GCNT2: variants seen among roughly 807,000 people sequenced by gnomAD.
The protein encoded by GCNT2 is N-acetyllactosaminide beta-1,6-N-acetylglucosaminyl-transferase.
Under a neutral mutation model 34.2 loss-of-function variants are expected in GCNT2, and 34 were observed. The observed-to-expected ratio is 1.00, with a 90% CI of 0.76 to 1.32. The LOEUF (loss-of-function observed/expected upper bound fraction) is 1.32. Among genes scored for constraint, GCNT2 ranks in the 40% most tolerant of loss-of-function variants. The pLI, the probability that GCNT2 is intolerant of heterozygous loss-of-function variation, is 0.00. For missense variants in GCNT2, 584 were observed against 489.4 expected, an observed-to-expected ratio of 1.19 and a Z score of -1.82; for synonymous variants, 212 against 188.0, an observed-to-expected ratio of 1.13 and a Z score of -1.04.
At chr6:10,621,851 G>A (rs1294650219) in intron 4 of GCNT2, among the ~76,000 whole-genome samples, 3 of 151,984 alleles carry the variant, frequency 2.0e-5, no homozygotes, top group Admixed American at 6.6e-5. Context: ...GACCACAGGC[G>A]TGCACCACCA....
intron 1 of GCNT2, among the ~76,000 whole-genome samples, chr6:10,526,520 T>C (rs1196777086): frequency 1.3e-5 from 2 of 152,100 alleles, no homozygotes; most frequent in East Asian, 1.9e-4. Context: ...GAAAATGTTA[T>C]TGTATAATAG....
chr6:10,555,724 CTT>C, intron 3 of GCNT2: 1 of 985,364 alleles, frequency 1.0e-6, no homozygotes, highest in South Asian at 4.7e-5. Flanking sequence ...CCAGTAAGCT[CTT>C]GTTTTGAAAA....
chr6:10,538,507 A>G (rs984352576), intron 3 of GCNT2, among the ~76,000 whole-genome samples: 1 of 147,290 alleles, frequency 6.8e-6, no homozygotes, highest in Admixed American at 6.8e-5. Flanking sequence ...CTGAATTTAT[A>G]CCCATGACAC....
At chr6:10,588,116 C>G (rs932623309) in intron 3 of GCNT2, among the ~76,000 whole-genome samples, 3 of 152,106 alleles carry the variant, frequency 2.0e-5, no homozygotes, top group African/African-American at 7.2e-5. Context: ...CAAAAATCTA[C>G]TTAGAGAGGG....
At chr6:10,588,812 G>A (rs1392476553) in intron 3 of GCNT2, among the ~76,000 whole-genome samples, 1 of 142,372 alleles carries the variant, frequency 7.0e-6, no homozygotes, top group African/African-American at 2.6e-5. Context: ...TGTGTGTGGT[G>A]TATGTGTGTT....
chr6:10,612,417 T>C (rs1326420918), intron 3 of GCNT2, among the ~76,000 whole-genome samples: 1 of 152,186 alleles, frequency 6.6e-6, no homozygotes, highest in African/African-American at 2.4e-5. Context: ...TACTGGCATC[T>C]AGTGGGAAGA....
chr6:10,525,726 T>C (rs1761151462), intron 1 of GCNT2, among the ~76,000 whole-genome samples: 1 of 152,236 alleles, frequency 6.6e-6, no homozygotes, highest in Non-Finnish European at 1.5e-5. Flanking sequence ...AGGGACCGTC[T>C]TAGCATTACA....
intron 3 of GCNT2, among the ~76,000 whole-genome samples, chr6:10,546,125 G>A (rs1762252618): frequency 6.6e-6 from 1 of 152,128 alleles, no homozygotes; most frequent in South Asian, 2.1e-4. Flanking sequence ...GACTTGCTGG[G>A]AATGGGTTAC....
Position 10,621,403 on chromosome 6 carries a change from A to G in GCNT2, c.978A>G (p.Ile326Met). Reference sequence around the variant, plus strand: ...CCTGGACTGGAAACCTCAGAGCTATAAAGTGGAGTGACATGGAAGACAGAC... The same window carrying G: ...CCTGGACTGGAAACCTCAGAGCTATGAAGTGGAGTGACATGGAAGACAGAC... ...NASWTGNLRA[I>M]KWSDMEDRHG... Residue 326 changes from isoleucine to methionine, a missense_variant, in exon 4 of 5, where the codon ATA (isoleucine) becomes ATG (methionine). Coordinates refer to ENST00000495262, the MANE Select transcript of GCNT2 (RefSeq NM_145649.5). The G allele has an allele frequency of 6.2e-7, 1 of 1,613,696 alleles. No homozygotes were observed. The highest frequency in any genetic ancestry group is 8.5e-7 in the Non-Finnish European group (1 of 1,179,652).
rs369564340 is a variant in GCNT2 at position 10,521,920 on chromosome 6, G to A, written c.-469+503G>A. Reference sequence around the variant, plus strand: ...ATTTAAATTTTTTTTTTTTTTTCCAGACATAGTCTCACTCTGTCACCCAGG... The same window carrying A: ...ATTTAAATTTTTTTTTTTTTTTCCAAACATAGTCTCACTCTGTCACCCAGG... On this transcript the variant is annotated intron_variant, in intron 1 of 4. Transcript: ENST00000495262. Among the ~76,000 whole-genome samples the A allele has an allele frequency of 1.1e-4, 16 of 148,190 alleles. 1 individual carries two copies. The East Asian group carries it at 2.9e-3, about 27-fold the overall frequency.
chr6:10,583,755 A>C (rs1172323515), intron 3 of GCNT2, among the ~76,000 whole-genome samples: 1 of 152,178 alleles, frequency 6.6e-6, no homozygotes, highest in Non-Finnish European at 1.5e-5. Flanking sequence ...AAATGACCTC[A>C]AATCTGAGGT....
intron 3 of GCNT2, among the ~76,000 whole-genome samples, chr6:10,587,774 C>G (rs1352407189): frequency 1.3e-5 from 2 of 152,140 alleles, no homozygotes; most frequent in Non-Finnish European, 2.9e-5. Flanking sequence ...TGGTCTGTGA[C>G]CTGCGTTACG....
In GCNT2 at chr6:10,562,242, C is replaced by T. The variant is rs115258792; in HGVS notation, c.925+32406C>T. ...ATGGGTACAACCAGGTCGAGATGGT[C>T]CCCCTATCTCTCTGCATCTCTGTGC... is the stretch of plus-strand genomic sequence containing the variant. On this transcript the variant is annotated intron_variant, in intron 3 of 4. Coordinates refer to ENST00000495262, the MANE Select transcript of GCNT2 (RefSeq NM_145649.5). Among the ~76,000 whole-genome samples the T allele has an allele frequency of 9.7e-3, 1,480 of 152,278 alleles. 12 individuals carry two copies. Among genetic ancestry groups the T allele is most frequent in the Non-Finnish European group, 0.014 (921 of 68,012 alleles).
Position 10,573,108 on chromosome 6 carries a change from T to C in GCNT2, c.925+43272T>C, listed in dbSNP as rs1180937726. The C allele has an allele frequency of 1.1e-5, 9 of 833,216 alleles. No individual in the cohort carries two copies. In the African/African-American group the frequency reaches 1.7e-4, roughly 15 times the overall value. The allele number at this position is 833,216 out of a possible 1,614,324, so 51.6% of individuals were successfully genotyped here. ...CACTGCCTATCTCTATTTTAAGACT[T>C]TTGTTTCCATTTATTTGAAAGTGTT... On this transcript the variant is annotated intron_variant, in intron 3 of 4. Transcript: ENST00000495262.
intron 3 of GCNT2, among the ~76,000 whole-genome samples, chr6:10,561,052 C>A (rs1004681520): frequency 1.3e-5 from 2 of 152,228 alleles, no homozygotes; most frequent in African/African-American, 2.4e-5. Context: ...TTCTGACTTC[C>A]GGTACACCCT....
At chr6:10,615,476 A>G (rs1421154565) in intron 3 of GCNT2, among the ~76,000 whole-genome samples, 1 of 151,956 alleles carries the variant, frequency 6.6e-6, no homozygotes, top group Non-Finnish European at 1.5e-5. Flanking sequence ...CACAACACCC[A>G]GCTAATTTTT....
chr6:10,621,333 T>G lies in GCNT2; in HGVS notation c.926-18T>G, dbSNP rs754441807. 6.5e-7 allele frequency: 1 copy of G among 1,538,262 alleles called. No individual in the cohort carries two copies. Among genetic ancestry groups the G allele is most frequent in the South Asian group, 1.1e-5 (1 of 88,894 alleles). Reference sequence around the variant, plus strand: ...TCATGACTCTCATCTCTACGCTTCTTCTTTATCAACATTGCAGGTGTTCCT... The same window carrying G: ...TCATGACTCTCATCTCTACGCTTCTGCTTTATCAACATTGCAGGTGTTCCT... On this transcript the variant is annotated intron_variant, in intron 3 of 4. Coordinates refer to ENST00000495262, the MANE Select transcript of GCNT2 (RefSeq NM_145649.5).
intron 3 of GCNT2, among the ~76,000 whole-genome samples, chr6:10,544,628 A>ATT (rs1447847245): frequency 1.7e-4 from 26 of 150,646 alleles, no homozygotes; most frequent in African/African-American, 6.4e-4. Flanking sequence ...AAAATAAAAT[A>ATT]AAATATTAAA....
intron 3 of GCNT2, among the ~76,000 whole-genome samples, chr6:10,604,578 G>A (rs1469355244): frequency 6.6e-6 from 1 of 152,124 alleles, no homozygotes; most frequent in East Asian, 1.9e-4. Flanking sequence ...TATTATCTCT[G>A]GGCCAGGTGT....
Sources: gnomAD v4.1 joint callset for allele counts (sites outside exome capture counted in the v4.1 genomes callset) on GRCh38, gnomAD v4.1.1 for gene constraint, MANE v1.5 for transcripts, NCBI Gene and HGNC (gene_info 2026-07-23, HGNC 2026-07-21) for gene names.